SEMA6D: variants seen among roughly 807,000 people sequenced by gnomAD.
The protein encoded by SEMA6D is semaphorin-6D.
SEMA6D carries 35 observed loss-of-function variants against 106.6 expected under a neutral mutation model. That is an observed-to-expected ratio of 0.33 (90% CI 0.25 to 0.44). The LOEUF (loss-of-function observed/expected upper bound fraction) is 0.44, where lower values mean the gene tolerates loss of function less well. Among genes scored for constraint, SEMA6D ranks in the 20% least tolerant of loss-of-function variants. The probability of loss-of-function intolerance (pLI) is 1.00; values close to 1 mark genes in which losing one functional copy is unlikely to be tolerated. For synonymous variants in SEMA6D, 499 were observed against 487.7 expected (o/e 1.02, Z -0.31); for missense variants, 1,185 against 1,345.9 (o/e 0.88, Z 1.87).
intron 3 of SEMA6D, among the ~76,000 whole-genome samples, chr15:47,496,231 G>A (rs1227943624): frequency 3.3e-5 from 5 of 152,008 alleles, no homozygotes; most frequent in African/African-American, 4.8e-5. Flanking sequence ...CATGACTTCC[G>A]TTATTAGACC....
At chr15:47,630,277 G>T (rs151308780) in intron 4 of SEMA6D, among the ~76,000 whole-genome samples, 1 of 151,874 alleles carries the variant, frequency 6.6e-6, no homozygotes, top group Non-Finnish European at 1.5e-5. Flanking sequence ...TCTCATTGTT[G>T]TGATTTGTTT....
intron 1 of SEMA6D, among the ~76,000 whole-genome samples, chr15:47,722,710 T>C (rs1427515332): frequency 2.6e-5 from 4 of 152,120 alleles, no homozygotes; most frequent in African/African-American, 9.7e-5. Context: ...CATTTACTAG[T>C]GAAATCAGCC....
At chr15:47,529,065 TAA>T (rs1489968234) in intron 3 of SEMA6D, among the ~76,000 whole-genome samples, 10 of 152,306 alleles carry the variant, frequency 6.6e-5, no homozygotes, top group African/African-American at 2.4e-4. Context: ...AATAGTTGAT[TAA>T]CACACATGTT....
At position 47,464,721 on chromosome 15, in the gene SEMA6D, A is replaced by G. The variant is rs115745370; in HGVS notation, c.-158-5753A>G. ...CCACCCTGCACCCTTGTCAAAATGG[A>G]AAGACTCTCTCTCTCTAACCTTTTA... On this transcript the variant is annotated intron_variant, in intron 2 of 19. Transcript: ENST00000558014. Among the ~76,000 whole-genome samples the G allele has an allele frequency of 3.9e-3, 594 of 152,222 alleles. 6 individuals carry two copies. Among genetic ancestry groups the G allele is most frequent in the African/African-American group, 0.014 (578 of 41,544 alleles).
chr15:47,275,241 A>G (rs982605562), intron 1 of SEMA6D: 2 of 152,214 alleles, frequency 1.3e-5, no homozygotes, highest in Non-Finnish European at 2.9e-5. Context: ...TACAAAATAC[A>G]GTTATAATCA....
chr15:47,286,110 G>T (rs1228488437), intron 1 of SEMA6D, among the ~76,000 whole-genome samples: 1 of 152,132 alleles, frequency 6.6e-6, no homozygotes, highest in African/African-American at 2.4e-5. Flanking sequence ...CTCTGGGTTG[G>T]ACCTGTCTAG....
Position 47,300,191 on chromosome 15 carries a change from G to A in SEMA6D, c.-238-112202G>A, listed in dbSNP as rs534443007. ...GCTGCTGTGCTTTCCTCCTCCTCAC[G>A]CTGAGGGCTTTCTGCAGCAAGTGGT... On this transcript the variant is annotated intron_variant, in intron 1 of 19. Coordinates refer to the SEMA6D transcript ENST00000558014. Among the ~76,000 whole-genome samples the A allele has an allele frequency of 2.6e-4, 39 of 152,210 alleles. 1 individual carries two copies. Among genetic ancestry groups the A allele is most frequent in the Admixed American group, 1.8e-3 (28 of 15,290 alleles).
intron 1 of SEMA6D, among the ~76,000 whole-genome samples, chr15:47,290,244 T>G (rs144997247): frequency 1.1e-3 from 172 of 152,332 alleles, no homozygotes; most frequent in African/African-American, 4.0e-3. Context: ...ATGCCACCTT[T>G]GGCAAATCAG....
chr15:47,692,584 ATAT>A (rs1293267890), intron 4 of SEMA6D, among the ~76,000 whole-genome samples: 3 of 152,210 alleles, frequency 2.0e-5, no homozygotes, highest in Non-Finnish European at 4.4e-5. Flanking sequence ...CATTAAAAAC[ATAT>A]TATACCTGAT....
At chr15:47,218,434 C>T (rs767488855) in intron 1 of SEMA6D, among the ~76,000 whole-genome samples, 1 of 152,130 alleles carries the variant, frequency 6.6e-6, no homozygotes, top group Non-Finnish European at 1.5e-5. Flanking sequence ...AGAATCTAAC[C>T]ACCATCTATA....
chr15:47,316,205 G>C (rs912829755), intron 1 of SEMA6D, among the ~76,000 whole-genome samples: 10 of 148,374 alleles, frequency 6.7e-5, no homozygotes, highest in African/African-American at 2.5e-4. Flanking sequence ...CAATTCTCCT[G>C]CCTCAGCCTC....
At chr15:47,630,246 T>C (rs955191652) in intron 4 of SEMA6D, among the ~76,000 whole-genome samples, 1 of 151,944 alleles carries the variant, frequency 6.6e-6, no homozygotes, top group Non-Finnish European at 1.5e-5. Context: ...CAATAGTTGT[T>C]CTAACTGTGG....
chr15:47,691,923 A>T (rs2136898), intron 4 of SEMA6D, among the ~76,000 whole-genome samples: 2,606 of 152,270 alleles, frequency 0.017, 60 homozygotes, highest in African/African-American at 0.059. Context: ...ACATATTTAG[A>T]TGGAGCCGTA....
intron 1 of SEMA6D, among the ~76,000 whole-genome samples, chr15:47,350,689 G>T (rs1486900): frequency 0.2 from 30,297 of 152,094 alleles, 3,652 homozygotes; most frequent in African/African-American, 0.33. Flanking sequence ...TTATTAAAAT[G>T]ATTGGATAAC....
chr15:47,470,071 A>G (rs971761820), intron 2 of SEMA6D, among the ~76,000 whole-genome samples: 8 of 152,212 alleles, frequency 5.3e-5, no homozygotes, highest in East Asian at 1.9e-4. Context: ...ACCAATACCC[A>G]AATTAGTTAA....
chr15:47,630,026 A>T (rs1222736966), intron 4 of SEMA6D, among the ~76,000 whole-genome samples: 2 of 151,774 alleles, frequency 1.3e-5, no homozygotes, highest in African/African-American at 4.8e-5. Context: ...TACACCTATC[A>T]TTTTGATATA....
At position 47,761,220 on chromosome 15, in the gene SEMA6D, A is replaced by G; in HGVS notation, c.345A>G (p.Lys115=). The G allele has an allele frequency of 1.2e-6, 2 of 1,613,700 alleles. No homozygotes were observed. Among genetic ancestry groups the G allele is most frequent in the Non-Finnish European group, 1.7e-6 (2 of 1,179,776 alleles). ...ACTGTGCTATGAAAGGCAAGCATAA[A>G]GTGAGTGAAACAGAAAAATGTCTGC... The part of the protein sequence containing the change: ...RENCAMKGKH[K]DECHNFIKVF... The change falls in exon 5 of 19, where the codon AAA becomes AAG. Residue 115 remains lysine (K), a splice_region_variant and synonymous_variant. Transcript: ENST00000536845.
intron 2 of SEMA6D, among the ~76,000 whole-genome samples, chr15:47,468,406 A>G (rs1280592031): frequency 6.6e-6 from 1 of 152,168 alleles, no homozygotes; most frequent in African/African-American, 2.4e-5. Context: ...GAAACAGGCA[A>G]TGAGGAGCAA....
chr15:47,693,762 G>A lies in SEMA6D; in HGVS notation c.-54-65983G>A, dbSNP rs111524125. ...CCAACCTGGGCAACATAGTGAGACCGCATCTCTACAAAAACATTAAAAATT... is the reference window on the plus strand; with the variant it reads ...CCAACCTGGGCAACATAGTGAGACCACATCTCTACAAAAACATTAAAAATT... On this transcript the variant is annotated intron_variant, in intron 4 of 19. Transcript: ENST00000558014. Among the ~76,000 whole-genome samples the A allele has an allele frequency of 8.1e-3, 1,226 of 152,078 alleles. 19 individuals are homozygous for A. The highest frequency in any genetic ancestry group is 0.028 in the African/African-American group (1,177 of 41,498).
Sources: gnomAD v4.1 joint callset for allele counts (sites outside exome capture counted in the v4.1 genomes callset) on GRCh38, gnomAD v4.1.1 for gene constraint, MANE v1.5 for transcripts, NCBI Gene and HGNC (gene_info 2026-07-23, HGNC 2026-07-21) for gene names.